Variants in PLCB4 observed in about 807,000 individuals in gnomAD.
PLCB4 encodes the protein 1-phosphatidylinositol 4,5-bisphosphate phosphodiesterase beta-4.
Under a neutral mutation model 178.8 loss-of-function variants are expected in PLCB4, and 77 were observed. The ratio of observed to expected loss-of-function variants is 0.43; its 90% CI spans 0.36 to 0.52. PLCB4 has a LOEUF of 0.52. PLCB4 is among the 20% of genes least tolerant of loss of function. The probability of loss-of-function intolerance (pLI) is 0.00; values close to 1 mark genes in which losing one functional copy is unlikely to be tolerated. For synonymous variants in PLCB4, 496 were observed against 490.8 expected (o/e 1.01, Z -0.14); for missense variants, 1,024 against 1,453.4 (o/e 0.70, Z 4.80).
chr20:9,476,733 A>C lies in PLCB4; in HGVS notation c.3512A>C (p.His1171Pro), dbSNP rs907071599. Residue 1171 changes from histidine (H) to proline (P), a missense_variant, in exon 39 of 40, where the codon CAT (histidine) becomes CCT (proline). Around this residue, in one of 7 missense-constraint regions of PLCB4, gnomAD observed 264 missense variants for 283.2 expected, o/e 0.93. Transcript: ENST00000378473. ...KQNEQLLKSCHAVSQTQGEGD... is the reference protein window; with the variant it reads ...KQNEQLLKSCPAVSQTQGEGD... Reference sequence around the variant, plus strand: ...TACAAACAGCTTTTGAAATCCTGTCATGCAGTGTCCCAAACGCAAGGTAGG... The same window carrying C: ...TACAAACAGCTTTTGAAATCCTGTCCTGCAGTGTCCCAAACGCAAGGTAGG... The C allele has an allele frequency of 6.2e-7, 1 of 1,610,222 alleles. No homozygotes were observed. The highest frequency in any genetic ancestry group is 1.3e-5 in the African/African-American group (1 of 74,826).
chr20:9,472,880 C>T, intron 37 of PLCB4, 33 bp downstream of exon 37: 1 of 1,220,474 alleles, frequency 8.2e-7, no homozygotes, highest in Non-Finnish European at 1.2e-6. Context: ...GGCATTCTTC[C>T]TTTAAAAAAC....
At chr20:9,314,302 G>A (rs181942644) in intron 4 of PLCB4, among the ~76,000 whole-genome samples, 6 of 152,326 alleles carry the variant, frequency 3.9e-5, no homozygotes, top group Admixed American at 2.0e-4. Context: ...ACAAGTGGAT[G>A]TGGCTGGATT....
At chr20:9,161,328 G>T (rs1201707417) in intron 2 of PLCB4, among the ~76,000 whole-genome samples, 2 of 152,190 alleles carry the variant, frequency 1.3e-5, no homozygotes, top group Admixed American at 6.5e-5. Context: ...GTGGTTCATG[G>T]TTTTTACTAA....
intron 4 of PLCB4, among the ~76,000 whole-genome samples, chr20:9,332,977 C>G (rs913051452): frequency 6.6e-6 from 1 of 152,174 alleles, no homozygotes; most frequent in African/African-American, 2.4e-5. Context: ...CAAAAAGGGA[C>G]TCCTGCCTTT....
intron 39 of PLCB4, among the ~76,000 whole-genome samples, chr20:9,477,952 G>A (rs1191111989): frequency 6.6e-6 from 1 of 151,984 alleles, no homozygotes; most frequent in African/African-American, 2.4e-5. Context: ...GGGCACTTCA[G>A]AATCTTCATC....
chr20:9,205,649 T>G (rs1035782043), intron 2 of PLCB4, among the ~76,000 whole-genome samples: 2 of 152,200 alleles, frequency 1.3e-5, no homozygotes, highest in Non-Finnish European at 1.5e-5. Context: ...TTACATGCAC[T>G]CATTTGTGTG....
intron 2 of PLCB4, among the ~76,000 whole-genome samples, chr20:9,116,791 G>A (rs2091794683): frequency 6.6e-6 from 1 of 152,120 alleles, no homozygotes; most frequent in African/African-American, 2.4e-5. Flanking sequence ...GGTGGGGAAT[G>A]GACATCTTTA....
At chr20:9,077,708 A>T (rs1031525952) in intron 1 of PLCB4, among the ~76,000 whole-genome samples, 1 of 152,204 alleles carries the variant, frequency 6.6e-6, no homozygotes, top group Non-Finnish European at 1.5e-5. Flanking sequence ...CAGCAGGGAC[A>T]TGTCCATAAG....
At chr20:9,447,348 TG>T (rs773317577) in intron 32 of PLCB4, among the ~76,000 whole-genome samples, 45 of 152,332 alleles carry the variant, frequency 3.0e-4, no homozygotes, top group Non-Finnish European at 5.6e-4. Context: ...CCAGTTTGGT[TG>T]GCAGATGGGG....
intron 3 of PLCB4, among the ~76,000 whole-genome samples, chr20:9,282,036 A>G (rs2094498754): frequency 6.6e-6 from 1 of 152,006 alleles, no homozygotes. Flanking sequence ...TATATATCAC[A>G]TAATCTTTCC....
chr20:9,299,361 A>C (rs533577319), intron 3 of PLCB4, among the ~76,000 whole-genome samples: 1 of 152,094 alleles, frequency 6.6e-6, no homozygotes, highest in South Asian at 2.1e-4. Context: ...ACAGGGAAGT[A>C]TTAAAGAAAA....
At chr20:9,273,325 T>A (rs2094422591) in intron 3 of PLCB4, among the ~76,000 whole-genome samples, 1 of 152,140 alleles carries the variant, frequency 6.6e-6, no homozygotes, top group Non-Finnish European at 1.5e-5. Context: ...AACAACGCTC[T>A]TGAAGTAAGC....
intron 3 of PLCB4, among the ~76,000 whole-genome samples, chr20:9,271,892 TG>T (rs2094406821): frequency 6.6e-6 from 1 of 151,838 alleles, no homozygotes; most frequent in African/African-American, 2.4e-5. Flanking sequence ...GAAGGCATCA[TG>T]GGGCTGGGTG....
At chr20:9,261,761 A>T (rs147644894) in intron 3 of PLCB4, among the ~76,000 whole-genome samples, 1 of 152,294 alleles carries the variant, frequency 6.6e-6, no homozygotes, top group African/African-American at 2.4e-5. Flanking sequence ...TCCCCTGTGG[A>T]TATGGAAGAC....
Position 9,175,462 on chromosome 20 carries a change from T to C in PLCB4, c.-78-41928T>C, listed in dbSNP as rs372183679. The stretch of plus-strand genomic sequence containing the variant: ...TTGTCCAAGTAACCTTATTTCACCA[T>C]GGAAAGAATAATCTGTGGATTGGCA... On this transcript the variant is annotated intron_variant, in intron 2 of 39. Coordinates refer to ENST00000378473, the MANE Select transcript of PLCB4 (RefSeq NM_001377142.1). 4.6e-5 allele frequency among the ~76,000 whole-genome samples: 7 copies of C among 152,172 alleles called. No homozygotes were observed. In the East Asian group the frequency reaches 7.7e-4, roughly 17 times the overall value.
rs2091842198 is a variant in PLCB4, at chr20:9,118,135, T to C, written c.-79+21793T>C. 4.6e-5 allele frequency among the ~76,000 whole-genome samples: 7 copies of C among 151,910 alleles called. No individual in the cohort carries two copies. In the South Asian group the frequency reaches 1.5e-3, roughly 32 times the overall value. ...GTGCACATTGTGCAGGTTAGTTACA[T>C]ATGTATACATGTGCCGTGCTGGTGC... On this transcript the variant is annotated intron_variant, in intron 2 of 39. Transcript: ENST00000378473.
At chr20:9,290,558 A>G (rs938536144) in intron 3 of PLCB4, among the ~76,000 whole-genome samples, 2 of 152,154 alleles carry the variant, frequency 1.3e-5, no homozygotes, top group Admixed American at 6.6e-5. Context: ...GAAAGGGACA[A>G]TTATTTGAAG....
intron 1 of PLCB4, among the ~76,000 whole-genome samples, chr20:9,083,171 A>C (rs555678190): frequency 6.6e-6 from 1 of 152,328 alleles, no homozygotes; most frequent in South Asian, 2.1e-4. Context: ...TCATTTGTCA[A>C]CAGGGTTTTT....
intron 15 of PLCB4, among the ~76,000 whole-genome samples, chr20:9,388,445 G>C (rs1043843517): frequency 6.6e-6 from 1 of 152,146 alleles, no homozygotes; most frequent in African/African-American, 2.4e-5. Context: ...GCTGCTGGGC[G>C]TGGTGGCTCA....
Sources: gnomAD v4.1 joint callset for allele counts (sites outside exome capture counted in the v4.1 genomes callset) on GRCh38, gnomAD v4.1.1 for gene constraint, gnomAD v4.1.1 regional missense constraint, MANE v1.5 for transcripts, NCBI Gene and HGNC (gene_info 2026-07-23, HGNC 2026-07-21) for gene names.